Variants in EHD4 observed in about 807,000 individuals in gnomAD.
EHD4 encodes EH domain-containing protein 4.
A neutral mutation model predicts 51.0 loss-of-function variants in EHD4; 37 were observed. That is an observed-to-expected ratio of 0.73 (90% CI 0.56 to 0.95). The LOEUF is 0.95. EHD4 is among the 40% of genes least tolerant of loss of function. EHD4 has a pLI of 0.00. For synonymous variants in EHD4, 297 were observed against 317.3 expected (o/e 0.94, Z 0.68); for missense variants, 632 against 733.1 (o/e 0.86, Z 1.59).
At chr15:41,921,883 T>C (rs1487908715) in intron 3 of EHD4, 1 of 152,142 alleles carries the variant, frequency 6.6e-6, no homozygotes, top group Non-Finnish European at 1.5e-5. Context: ...GAGTTAGACA[T>C]TCACTTCCTT....
rs748513308 is a variant in EHD4 at position 41,943,175 on chromosome 15, C to T, written c.414-11G>A. Reference sequence around the variant, plus strand: ...TGTGAGCACATGAATCTGGAAGAGACGGATCAAAGGAGGGGTCAGAAACTG... The same window carrying T: ...TGTGAGCACATGAATCTGGAAGAGATGGATCAAAGGAGGGGTCAGAAACTG... On this transcript the variant is annotated splice_polypyrimidine_tract_variant and intron_variant, in intron 2 of 5. Coordinates refer to ENST00000220325, the MANE Select transcript of EHD4 (RefSeq NM_139265.4). 63 of 1,570,186 alleles carry T rather than the reference C, an allele frequency of 4.0e-5. No individual in the cohort carries two copies. Among genetic ancestry groups the T allele is most frequent in the Middle Eastern group, 3.3e-4 (2 of 6,006 alleles).
intron 3 of EHD4, among the ~76,000 whole-genome samples, chr15:41,925,066 A>C (rs1360621021): frequency 6.6e-6 from 1 of 152,096 alleles, no homozygotes; most frequent in Non-Finnish European, 1.5e-5. Flanking sequence ...TCTCAAAAAA[A>C]AAAAAAAAGG....
intron 1 of EHD4, among the ~76,000 whole-genome samples, chr15:41,962,164 G>C (rs1204765243): frequency 1.3e-5 from 2 of 152,174 alleles, no homozygotes; most frequent in Non-Finnish European, 2.9e-5. Flanking sequence ...CTTGGGAAGA[G>C]CAAATACAAA....
At chr15:41,934,462 A>G (rs2067718978) in intron 3 of EHD4, among the ~76,000 whole-genome samples, 2 of 152,014 alleles carry the variant, frequency 1.3e-5, no homozygotes, top group Admixed American at 1.3e-4. Flanking sequence ...CTACGAGAAC[A>G]CACCACCACA....
intron 4 of EHD4, among the ~76,000 whole-genome samples, chr15:41,915,087 C>G (rs111617921): frequency 6.2e-4 from 37 of 59,894 alleles, no homozygotes; most frequent in African/African-American, 2.1e-3. Flanking sequence ...GTCTTGGAGA[C>G]ACACACACAC....
chr15:41,953,950 GGAA>G lies in EHD4; in HGVS notation c.237-13_237-11del, dbSNP rs58016027. 5.3e-3 allele frequency: 8,482 copies of G among 1,610,144 alleles called. 425 individuals carry two copies. In the African/African-American group the frequency reaches 0.1, roughly 19 times the overall value. Reference sequence around the variant, plus strand: ...CTGCTCCAGTAGGTATCTGGGAGAGGGAAGAAGAAGAGAAAGCTTAGCATCTTA... The same window carrying G: ...CTGCTCCAGTAGGTATCTGGGAGAGGGAAGAAGAGAAAGCTTAGCATCTTA... On this transcript the variant is annotated splice_polypyrimidine_tract_variant and intron_variant, in intron 1 of 5. Coordinates refer to ENST00000220325, the MANE Select transcript of EHD4 (RefSeq NM_139265.4).
rs2068006734 is a variant in EHD4, at chr15:41,972,541, T to TCTCCCCGGCTCGCACTGAGC, written c.-48_-47insGCTCAGTGCGAGCCGGGGAG. ...GATGGGACCCTGCTCCGGGTTCGAC[T>TCTCCCCGGCTCGCACTGAGC]CTCCCCGGCTCGCACTGAGCCGCCC... is the stretch of plus-strand genomic sequence containing the variant. On this transcript the variant is annotated 5_prime_UTR_variant, in exon 1 of 6. Coordinates refer to ENST00000220325, the MANE Select transcript of EHD4 (RefSeq NM_139265.4). 6.3e-6 allele frequency: 9 copies of TCTCCCCGGCTCGCACTGAGC among 1,426,782 alleles called. No homozygotes were observed. Among genetic ancestry groups the TCTCCCCGGCTCGCACTGAGC allele is most frequent in the African/African-American group, 3.0e-5 (2 of 66,872 alleles). 88.4% of individuals were successfully genotyped at this position (1,426,782 alleles called of 1,614,324 possible). A position where few individuals can be genotyped will look rare whatever the true frequency, so the allele number is the denominator to read the frequency against.
intron 5 of EHD4, among the ~76,000 whole-genome samples, chr15:41,905,739 T>C (rs144054495): frequency 9.3e-4 from 142 of 152,328 alleles, no homozygotes; most frequent in African/African-American, 3.1e-3. Flanking sequence ...GGCGTGATCA[T>C]GGCTCATAGC....
rs530468835 is a variant in EHD4 at position 41,897,163 on chromosome 15, C to T, written c.*3482G>A. On this transcript the variant is annotated 3_prime_UTR_variant, in exon 6 of 6. Coordinates refer to ENST00000220325, the MANE Select transcript of EHD4 (RefSeq NM_139265.4). ...GAACCCAATACTCTTGTATTAGGCC[C>T]GCATTTACCTGAGTAAACTCAGTGG... 5 of 152,334 alleles carry T rather than the reference C, an allele frequency of 3.3e-5. No homozygotes were observed. The highest frequency in any genetic ancestry group is 3.9e-4 in the East Asian group (2 of 5,190). The allele number at this position is 152,334 out of a possible 1,614,324, so 9.4% of individuals were successfully genotyped here. A position where few individuals can be genotyped will look rare whatever the true frequency, so the allele number is the denominator to read the frequency against.
chr15:41,959,462 T>A (rs1566827381), intron 1 of EHD4, among the ~76,000 whole-genome samples: 1 of 149,588 alleles, frequency 6.7e-6, no homozygotes, highest in Admixed American at 6.6e-5. Context: ...TCTTAAAATA[T>A]GTTCGTGCAT....
intron 4 of EHD4, among the ~76,000 whole-genome samples, chr15:41,912,666 G>A (rs1248526735): frequency 6.6e-6 from 1 of 152,284 alleles, no homozygotes; most frequent in African/African-American, 2.4e-5. Context: ...CTGCACTCCA[G>A]CCTGGGTGAC....
At chr15:41,917,059 G>A (rs954147364) in intron 4 of EHD4, among the ~76,000 whole-genome samples, 1 of 152,144 alleles carries the variant, frequency 6.6e-6, no homozygotes, top group Non-Finnish European at 1.5e-5. Context: ...AGCTCTACGG[G>A]TTAAGGCGCT....
intron 1 of EHD4, among the ~76,000 whole-genome samples, chr15:41,959,612 G>A (rs192685175): frequency 6.6e-6 from 1 of 152,082 alleles, no homozygotes; most frequent in East Asian, 1.9e-4. Flanking sequence ...ACTAGGAGAG[G>A]GATGAAAAGG....
At chr15:41,937,347 A>G (rs768600195) in intron 3 of EHD4, among the ~76,000 whole-genome samples, 1 of 152,190 alleles carries the variant, frequency 6.6e-6, no homozygotes, top group Non-Finnish European at 1.5e-5. Flanking sequence ...ATCAACAGGA[A>G]GGGCAGCCAC....
At position 41,897,176 on chromosome 15, in the gene EHD4, G is replaced by A. The variant is rs1418569558; in HGVS notation, c.*3469C>T. ...TTGTATTAGGCCCGCATTTACCTGA[G>A]TAAACTCAGTGGTTTTCTGTCCTAA... On this transcript the variant is annotated 3_prime_UTR_variant, in exon 6 of 6. Transcript: ENST00000220325. The A allele has an allele frequency of 6.6e-6, 1 of 152,226 alleles. No individual in the cohort carries two copies. The highest frequency in any genetic ancestry group is 2.4e-5 in the African/African-American group (1 of 41,464). The allele number at this position is 152,226 out of a possible 1,614,324, so 9.4% of individuals were successfully genotyped here.
intron 2 of EHD4, among the ~76,000 whole-genome samples, chr15:41,951,279 C>T (rs969125539): frequency 7.9e-5 from 12 of 152,116 alleles, no homozygotes; most frequent in Non-Finnish European, 2.9e-5. Context: ...CACATAAATG[C>T]CATATAATTA....
chr15:41,950,853 G>C, intron 2 of EHD4, among the ~76,000 whole-genome samples: 1 of 152,096 alleles, frequency 6.6e-6, no homozygotes. Context: ...CTTTGCTTTC[G>C]GCCTTCTCAT....
intron 3 of EHD4, among the ~76,000 whole-genome samples, chr15:41,919,849 C>T (rs2899033): frequency 0.049 from 7,473 of 152,274 alleles, 273 homozygotes; most frequent in Non-Finnish European, 0.063. Context: ...GAATGGGGCT[C>T]ATGGTCACTT....
chr15:41,916,665 C>T (rs1015670740), intron 4 of EHD4, among the ~76,000 whole-genome samples: 6 of 152,206 alleles, frequency 3.9e-5, no homozygotes, highest in East Asian at 3.9e-4. Context: ...CTGCAGGTGG[C>T]GTGAGGTCAA....
Sources: allele counts gnomAD v4.1 joint callset (sites outside exome capture counted in the v4.1 genomes callset), GRCh38; gene constraint gnomAD v4.1.1; transcripts MANE v1.5; gene names NCBI Gene and HGNC (gene_info 2026-07-23, HGNC 2026-07-21).